Variants in PDE8B observed in about 807,000 individuals in gnomAD.
The protein encoded by PDE8B is high affinity cAMP-specific and IBMX-insensitive 3',5'-cyclic phosphodiesterase 8B.
Under a neutral mutation model 101.3 loss-of-function variants are expected in PDE8B, and 26 were observed. The observed-to-expected ratio is 0.26, with a 90% CI of 0.19 to 0.36. PDE8B has a LOEUF of 0.36. Ranked by LOEUF, PDE8B falls within the 10% of genes least tolerant of loss-of-function variation. The pLI is 1.00. For synonymous variants in PDE8B, 424 were observed against 429.3 expected (o/e 0.99, Z 0.15); for missense variants, 810 against 1,163.1 (o/e 0.70, Z 4.42).
the PDE8B span, among the ~76,000 whole-genome samples, chr5:77,092,151 A>T: frequency 6.6e-6 from 1 of 152,178 alleles, no homozygotes; most frequent in Non-Finnish European, 1.5e-5. Flanking sequence ...TCTTAACAAG[A>T]TGTATTTTTT....
At chr5:77,335,784 G>A (rs936146772) in intron 5 of PDE8B, among the ~76,000 whole-genome samples, 1 of 152,028 alleles carries the variant, frequency 6.6e-6, no homozygotes, top group Admixed American at 6.6e-5. Flanking sequence ...GCTTAGAAAG[G>A]TTTGCATGAT....
intron 5 of PDE8B, among the ~76,000 whole-genome samples, chr5:77,332,982 A>AT (rs1777439238): frequency 8.4e-6 from 1 of 118,528 alleles, no homozygotes; most frequent in Non-Finnish European, 1.8e-5. Context: ...CCTGGCTTAA[A>AT]AATATATATA....
At chr5:77,321,519 A>G (rs1161251874) in intron 2 of PDE8B, among the ~76,000 whole-genome samples, 2 of 152,080 alleles carry the variant, frequency 1.3e-5, no homozygotes, top group Non-Finnish European at 2.9e-5. Flanking sequence ...TCAAATTCCA[A>G]ATTCCCAGAA....
intron 10 of PDE8B, among the ~76,000 whole-genome samples, 163 bp from the exon 11 acceptor site, chr5:77,400,085 A>T (rs1791926914): frequency 6.6e-6 from 1 of 152,228 alleles, no homozygotes; most frequent in Admixed American, 6.5e-5. Flanking sequence ...CCTTTGGATT[A>T]GTACCACTTG....
chr5:77,172,176 A>G, the PDE8B span, among the ~76,000 whole-genome samples: 7 of 152,188 alleles, frequency 4.6e-5, no homozygotes, highest in African/African-American at 1.7e-4. Flanking sequence ...TCATAAAATA[A>G]TAACTCAACT....
chr5:77,387,867 G>A (rs1019234838), intron 10 of PDE8B, among the ~76,000 whole-genome samples: 4 of 151,028 alleles, frequency 2.6e-5, no homozygotes, highest in East Asian at 3.9e-4. Context: ...TGATCAATTC[G>A]GCTATTGATA....
chr5:77,195,116 G>A, the PDE8B span, among the ~76,000 whole-genome samples: 1 of 152,206 alleles, frequency 6.6e-6, no homozygotes, highest in Non-Finnish European at 1.5e-5. Flanking sequence ...CTCAGTTCAG[G>A]AGGCTGGGAA....
rs144211330 is a variant in PDE8B at position 77,216,875 on chromosome 5, C to T, written c.339+5611C>T. On this transcript the variant is annotated intron_variant, in intron 1 of 21. Coordinates refer to ENST00000264917, the MANE Select transcript of PDE8B (RefSeq NM_003719.5). ...AGGGTGGAGAGTGGGTCTGGAGGGG[C>T]AAATGAAAAATATCCTGAGCATATC... is the stretch of plus-strand genomic sequence containing the variant. Among the ~76,000 whole-genome samples the T allele has an allele frequency of 5.3e-5, 8 of 152,096 alleles. No individual in the cohort carries two copies. The East Asian group carries it at 1.2e-3, about 22-fold the overall frequency.
chr5:77,098,299 A>G, the PDE8B span, among the ~76,000 whole-genome samples: 2 of 151,286 alleles, frequency 1.3e-5, no homozygotes, highest in African/African-American at 2.4e-5. Flanking sequence ...TTTTTAAAAA[A>G]AAAAAAGAAA....
intron 1 of PDE8B, among the ~76,000 whole-genome samples, chr5:77,286,460 T>C (rs958319191): frequency 6.6e-6 from 1 of 152,244 alleles, no homozygotes; most frequent in African/African-American, 2.4e-5. Flanking sequence ...GTGGTGTGAC[T>C]GTGGCCTGCC....
At chr5:77,205,990 T>G (rs2928173), upstream of PDE8B, among the ~76,000 whole-genome samples, 25,759 of 152,142 alleles carry the variant, frequency 0.17, 2,491 homozygotes, top group East Asian at 0.42. Context: ...CTTTTTCTGA[T>G]GTACATTACC....
chr5:77,200,974 C>T, the PDE8B span, among the ~76,000 whole-genome samples: 2 of 152,226 alleles, frequency 1.3e-5, no homozygotes, highest in African/African-American at 4.8e-5. Context: ...CTTTCTGCCA[C>T]AAGCTTCCAG....
At chr5:77,338,779 T>C (rs1778637223) in intron 6 of PDE8B, among the ~76,000 whole-genome samples, 2 of 152,212 alleles carry the variant, frequency 1.3e-5, no homozygotes. Flanking sequence ...GATTTTACTG[T>C]GGTTTAATTC....
the PDE8B span, among the ~76,000 whole-genome samples, chr5:77,097,971 G>C: frequency 1.2e-4 from 18 of 151,240 alleles, no homozygotes; most frequent in Non-Finnish European, 1.9e-4. Flanking sequence ...GCTACAGGTA[G>C]CTTCTATTTT....
At chr5:77,179,357 G>C in the PDE8B span, among the ~76,000 whole-genome samples, 3 of 152,198 alleles carry the variant, frequency 2.0e-5, no homozygotes, top group African/African-American at 4.8e-5. Context: ...TCTTGGTTTT[G>C]GCTGGACTGA....
chr5:77,351,122 G>A lies in PDE8B; in HGVS notation c.1075G>A (p.Val359Met), dbSNP rs1781036495. The change falls in exon 9 of 22, where the codon GTG (valine) becomes ATG (methionine). Residue 359 changes from valine to methionine, a missense_variant. Around this residue, in one of 4 missense-constraint regions of PDE8B, gnomAD observed 251 missense variants for 378.8 expected, o/e 0.66. Coordinates refer to ENST00000264917, the MANE Select transcript of PDE8B (RefSeq NM_003719.5). The part of the protein sequence containing the change: ...RKSGDSIQQH[V>M]KITPVIGQGG... ...ATCCGGGGACAGCATCCAACAGCACGTGAAGATCACCCCAGTGATTGGCCA... is the reference window on the plus strand; with the variant it reads ...ATCCGGGGACAGCATCCAACAGCACATGAAGATCACCCCAGTGATTGGCCA... 2.5e-6 allele frequency: 4 copies of A among 1,613,966 alleles called. No homozygotes were observed. The highest frequency in any genetic ancestry group is 3.4e-6 in the Non-Finnish European group (4 of 1,179,842).
chr5:77,127,730 C>T, the PDE8B span, among the ~76,000 whole-genome samples: 3 of 151,988 alleles, frequency 2.0e-5, no homozygotes, highest in African/African-American at 7.2e-5. Context: ...TCAGGGTCTC[C>T]TGGCAAGATG....
intron 4 of PDE8B, 70 bp from the exon 5 acceptor site, chr5:77,331,332 T>A: frequency 7.4e-7 from 1 of 1,360,164 alleles, no homozygotes; most frequent in Non-Finnish European, 1.1e-6. Context: ...CATTGCTCTC[T>A]CTCCGTGTTT....
chr5:77,375,426 C>T (rs1210406129), intron 10 of PDE8B, among the ~76,000 whole-genome samples: 1 of 152,194 alleles, frequency 6.6e-6, no homozygotes, highest in Non-Finnish European at 1.5e-5. Context: ...TGCTTTCAGA[C>T]ATGAATTTCA....
Sources: gnomAD v4.1 joint callset for allele counts (sites outside exome capture counted in the v4.1 genomes callset) on GRCh38, gnomAD v4.1.1 for gene constraint, gnomAD v4.1.1 regional missense constraint, MANE v1.5 for transcripts, NCBI Gene and HGNC (gene_info 2026-07-23, HGNC 2026-07-21) for gene names.